Variants in ADGRV1 observed in about 807,000 individuals in gnomAD.
ADGRV1 encodes the protein adhesion G protein-coupled receptor V1.
ADGRV1 carries 359 observed loss-of-function variants against 596.2 expected under a neutral mutation model. The observed-to-expected ratio is 0.60, with a 90% CI of 0.55 to 0.66. ADGRV1 has a LOEUF of 0.66. Among genes scored for constraint, ADGRV1 ranks in the 30% least tolerant of loss-of-function variants. ADGRV1 has a pLI of 0.00. For synonymous variants in ADGRV1, 2,681 were observed against 2,679.2 expected (o/e 1.00, Z -0.02); for missense variants, 7,274 against 7,575.6 (o/e 0.96, Z 1.48).
At chr5:90,689,810 T>C in intron 29 of ADGRV1, 51 bp from the exon 30 acceptor site, 1 of 1,289,446 alleles carries the variant, frequency 7.8e-7, no homozygotes, top group Non-Finnish European at 1.1e-6. Flanking sequence ...GTATATGGAA[T>C]GTTTTGATCA....
chr5:90,855,616 A>G (rs1766950113), intron 81 of ADGRV1, 125 bp from the exon 82 acceptor site: 1 of 615,602 alleles, frequency 1.6e-6, no homozygotes, highest in African/African-American at 1.9e-5. Flanking sequence ...CTTCTTGAAA[A>G]TGTGGTCTAC....
At position 90,853,436 on chromosome 5, in the gene ADGRV1, T is replaced by C; in HGVS notation, c.17357T>C (p.Met5786Thr). The stretch of plus-strand genomic sequence containing the variant: ...CTGGATGTCCAGGATGCAGAAATAA[T>C]GGCTGGGAAAAGTACATGTAAATTA... ...RLLDVQDAEI[M>T]AGKSTCKLVQ... Residue 5786 changes from methionine to threonine, a missense_variant, in exon 80 of 90, where the codon ATG becomes ACG. By Grantham distance (81) the Met-to-Thr change is moderately conservative (BLOSUM62 -1). This residue lies in a region of ADGRV1 where 1,874 missense variants were observed against 1,970.2 expected (regional missense o/e 0.95). Transcript: ENST00000405460. The C allele has an allele frequency of 6.2e-7, 1 of 1,613,484 alleles. No homozygotes were observed. The highest frequency in any genetic ancestry group is 8.5e-7 in the Non-Finnish European group (1 of 1,179,578).
chr5:90,692,734 G>A lies in ADGRV1; in HGVS notation c.7081G>A (p.Val2361Ile). Residue 2361 changes from valine to isoleucine, a missense_variant, in exon 32 of 90, where the codon GTT becomes ATT. By Grantham distance (29) the Val-to-Ile change is conservative (BLOSUM62 3). Coordinates refer to ENST00000405460, the MANE Select transcript of ADGRV1 (RefSeq NM_032119.4). ...TVAFAQMVYR[V>I]QEPLERSSCA... ...AGCCTTTGCTCAGATGGTTTATCGT[G>A]TTCAAGAGCCTCTGGAAAGAAGTTC... 1 of 1,607,802 alleles carries A rather than the reference G, an allele frequency of 6.2e-7. No homozygotes were observed. The highest frequency in any genetic ancestry group is 8.5e-7 in the Non-Finnish European group (1 of 1,177,170).
intron 87 of ADGRV1, among the ~76,000 whole-genome samples, chr5:91,124,049 G>A (rs1793547231): frequency 6.6e-6 from 1 of 152,154 alleles, no homozygotes; most frequent in Non-Finnish European, 1.5e-5. Flanking sequence ...GTTTGAGAAG[G>A]CCATTAATGA....
intron 85 of ADGRV1, among the ~76,000 whole-genome samples, chr5:91,046,126 C>T (rs1353360633): frequency 1.3e-5 from 2 of 152,030 alleles, no homozygotes; most frequent in Non-Finnish European, 2.9e-5. Context: ...CAATTCCCAA[C>T]AAAATATCAT....
chr5:90,575,931 C>G (rs1227889563), intron 1 of ADGRV1, among the ~76,000 whole-genome samples: 1 of 152,052 alleles, frequency 6.6e-6, no homozygotes, highest in African/African-American at 2.4e-5. Flanking sequence ...GTTAGTAAGG[C>G]CTCCCCTCAC....
intron 85 of ADGRV1, among the ~76,000 whole-genome samples, chr5:91,056,531 T>C (rs1254835613): frequency 6.6e-6 from 1 of 152,144 alleles, no homozygotes; most frequent in African/African-American, 2.4e-5. Context: ...GAATTTTCTT[T>C]CAGTCAGCTC....
At chr5:90,784,584 A>G (rs999199192) in intron 67 of ADGRV1, among the ~76,000 whole-genome samples, 11 of 152,174 alleles carry the variant, frequency 7.2e-5, no homozygotes, top group African/African-American at 2.7e-4. Context: ...GCATTTGGGC[A>G]GAAGGAACAA....
At chr5:91,076,450 C>A (rs956646702) in intron 86 of ADGRV1, among the ~76,000 whole-genome samples, 16 of 151,926 alleles carry the variant, frequency 1.1e-4, no homozygotes, top group Admixed American at 7.9e-4. Context: ...ATCCCCAGGG[C>A]CTTGCAGAGT....
chr5:91,145,614 A>G (rs554741813), intron 87 of ADGRV1, among the ~76,000 whole-genome samples: 1 of 152,234 alleles, frequency 6.6e-6, no homozygotes, highest in Non-Finnish European at 1.5e-5. Flanking sequence ...TTCACTTATT[A>G]TCATACACAA....
Position 90,778,006 on chromosome 5 carries a change from T to C in ADGRV1, c.12629T>C (p.Met4210Thr), listed in dbSNP as rs779753153. Residue 4210 changes from methionine (M) to threonine (T), a missense_variant, in exon 62 of 90, where the codon ATG becomes ACG. Physicochemically the swap from Met to Thr is moderately conservative, Grantham distance 81. Coordinates refer to ENST00000405460, the MANE Select transcript of ADGRV1 (RefSeq NM_032119.4). ...EFAETSGKLTMRDEQSAVIVV... is the reference protein window; with the variant it reads ...EFAETSGKLTTRDEQSAVIVV... ...GCTGAAACATCAGGAAAACTGACAA[T>C]GCGAGACGAACAGTCTGCAGTCATT... 8.2e-6 allele frequency: 13 copies of C among 1,593,392 alleles called. No individual in the cohort carries two copies. The highest frequency in any genetic ancestry group is 1.3e-5 in the African/African-American group (1 of 74,704).
intron 50 of ADGRV1, among the ~76,000 whole-genome samples, chr5:90,730,043 T>G (rs774622896): frequency 5.3e-5 from 8 of 152,188 alleles, no homozygotes; most frequent in Non-Finnish European, 1.2e-4. Context: ...TTTTTTTGTA[T>G]TTTTAGTAGA....
intron 45 of ADGRV1, among the ~76,000 whole-genome samples, chr5:90,722,054 G>A (rs1041626314): frequency 4.6e-5 from 7 of 152,188 alleles, no homozygotes; most frequent in East Asian, 1.9e-4. Context: ...GAGTGGTTTA[G>A]GAATGGAGGA....
In ADGRV1 at chr5:90,745,685, A is replaced by G. The variant is rs1396190264; in HGVS notation, c.10864A>G (p.Lys3622Glu). 1.2e-6 allele frequency: 2 copies of G among 1,612,382 alleles called. No individual in the cohort carries two copies. The highest frequency in any genetic ancestry group is 3.3e-4 in the Middle Eastern group (2 of 6,028). Reference sequence around the variant, plus strand: ...AGTTCCAGAAAAAGAAGAATCCTTCAAAGTTCAACTTAAAAATCCCAAAGG... The same window carrying G: ...AGTTCCAGAAAAAGAAGAATCCTTCGAAGTTCAACTTAAAAATCCCAAAGG... ...DTVPEKEESF[K>E]VQLKNPKGGA... is the part of the protein sequence containing the mutation. Residue 3622 changes from lysine (K) to glutamate (E), a missense_variant, in exon 52 of 90, where the codon AAA (lysine) becomes GAA (glutamate). Around this residue, in one of 5 missense-constraint regions of ADGRV1, gnomAD observed 3,643 missense variants for 3,809.2 expected, o/e 0.96. Transcript: ENST00000405460.
chr5:90,614,382 T>C (rs1763081132), intron 1 of ADGRV1: 10 of 263,084 alleles, frequency 3.8e-5, no homozygotes, highest in South Asian at 3.8e-4. Flanking sequence ...AAGGAAAAAG[T>C]AGACACCAAC....
At chr5:90,614,594 A>C in intron 1 of ADGRV1, 1 of 477,720 alleles carries the variant, frequency 2.1e-6, no homozygotes, top group Middle Eastern at 5.4e-4. Context: ...TTATCTTGGT[A>C]TAGAAGCTAA....
intron 7 of ADGRV1, 41 bp from the exon 8 acceptor site, chr5:90,628,521 T>C (rs1484895282): frequency 6.5e-7 from 1 of 1,547,792 alleles, no homozygotes; most frequent in Non-Finnish European, 8.9e-7. Context: ...GGAAATAAAG[T>C]GTACTATGTG....
In ADGRV1 at chr5:90,848,678, C is replaced by T. The variant is rs779354760; in HGVS notation, c.17061C>T (p.Ser5687=). 1.3e-6 allele frequency: 2 copies of T among 1,562,208 alleles called. No individual in the cohort carries two copies. Among genetic ancestry groups the T allele is most frequent in the Non-Finnish European group, 1.7e-6 (2 of 1,158,688 alleles). The change falls in exon 79 of 90, where the codon AGC becomes AGT. Residue 5687 remains serine (S), a synonymous_variant. Transcript: ENST00000405460. The part of the protein sequence containing the change: ...EGKIQAFSVA[S]RTLFYEILCS... ...AAATTCAAGCTTTCAGTGTTGCCAG[C>T]CGAACTCTTTTCTATGAGATTCTTT...
rs1173131840 is a variant in ADGRV1, at chr5:90,605,930, TG to T, written c.23-8904del. Among the ~76,000 whole-genome samples, 4 of 149,894 alleles carry T rather than the reference TG, an allele frequency of 2.7e-5. No homozygotes were observed. The South Asian group carries it at 6.3e-4, about 24-fold the overall frequency. On this transcript the variant is annotated intron_variant, in intron 1 of 89. Coordinates refer to ENST00000405460, the MANE Select transcript of ADGRV1 (RefSeq NM_032119.4). Reference sequence around the variant, plus strand: ...ACTTTTCAGCCAAGTAAAAGGATGATGAAAAAAAAAGAAAAAGAAAGTACTT... The same window carrying T: ...ACTTTTCAGCCAAGTAAAAGGATGATAAAAAAAAAGAAAAAGAAAGTACTT...
Sources: gnomAD v4.1 joint callset for allele counts (sites outside exome capture counted in the v4.1 genomes callset) on GRCh38, gnomAD v4.1.1 for gene constraint, gnomAD v4.1.1 regional missense constraint, MANE v1.5 for transcripts, NCBI Gene and HGNC (gene_info 2026-07-23, HGNC 2026-07-21) for gene names.